Variants in AGAP3 observed in about 807,000 individuals in gnomAD.
AGAP3 encodes the protein ArfGAP with GTPase domain, ankyrin repeat and PH domain 3.
AGAP3 carries 24 observed loss-of-function variants against 96.9 expected under a neutral mutation model. That is an observed-to-expected ratio of 0.25 (90% CI 0.18 to 0.35). AGAP3 has a LOEUF of 0.35. Ranked by LOEUF, AGAP3 falls within the 10% of genes least tolerant of loss-of-function variation. The pLI, the probability that AGAP3 is intolerant of heterozygous loss-of-function variation, is 1.00. For synonymous variants in AGAP3, 563 were observed against 536.1 expected, an observed-to-expected ratio of 1.05 and a Z score of -0.69; for missense variants, 876 against 1,254.2, an observed-to-expected ratio of 0.70 and a Z score of 4.55.
chr7:151,128,609 C>T lies in AGAP3; in HGVS notation c.1251C>T (p.Ser417=), dbSNP rs758107161. ...QGILLKRSGK[S]LNKEWKKKYV... The stretch of plus-strand genomic sequence containing the variant: ...TCCTGCTAAAGCGGAGCGGCAAGTC[C>T]CTGAACAAGGAGTGGAAGAAGAAGT... The change falls in exon 10 of 18, where the codon TCC becomes TCT. Residue 417 remains serine (S), a synonymous_variant. Coordinates refer to ENST00000397238, the MANE Select transcript of AGAP3 (RefSeq NM_031946.7). The T allele has an allele frequency of 1.2e-5, 19 of 1,613,818 alleles. No homozygotes were observed. Among genetic ancestry groups the T allele is most frequent in the Middle Eastern group, 1.7e-4 (1 of 6,058 alleles).
At position 151,121,459 on chromosome 7, in the gene AGAP3, C is replaced by T. The variant is rs114242086; in HGVS notation, c.1128+1314C>T. On this transcript the variant is annotated intron_variant, in intron 8 of 17. Coordinates refer to ENST00000397238, the MANE Select transcript of AGAP3 (RefSeq NM_031946.7). ...GGGCACCCTGCTCCCTGGCATCGTG[C>T]CTCAGTCATCCGCTGCCTCAGTTCC... Among the ~76,000 whole-genome samples the T allele has an allele frequency of 4.4e-3, 670 of 152,244 alleles. 9 individuals are homozygous for T. The highest frequency in any genetic ancestry group is 0.015 in the African/African-American group (629 of 41,532).
At chr7:151,085,986 A>T, upstream of AGAP3, 1 of 152,402 alleles carries the variant, frequency 6.6e-6, no homozygotes, top group East Asian at 1.9e-4. Flanking sequence ...AGGGGAGCCT[A>T]TGCCGCACTG....
intron 1 of AGAP3, chr7:151,115,514 C>A: frequency 2.9e-6 from 3 of 1,034,580 alleles, no homozygotes; most frequent in Non-Finnish European, 2.3e-6. Context: ...AGCCCGGCCG[C>A]CCCCGCACCG....
At position 151,120,069 on chromosome 7, in the gene AGAP3, GCAT is replaced by G. The variant is rs1563482290; in HGVS notation, c.1054_1056del (p.Ile352del). On this transcript the variant is annotated inframe_deletion, in exon 8 of 18. Coordinates refer to ENST00000397238, the MANE Select transcript of AGAP3 (RefSeq NM_031946.7). ...CCCAGCATCAGCCAGCGGGAGCTGC[GCAT>G]CGAGACCATCGCTGCCTCCTCCACC... The G allele has an allele frequency of 6.2e-7, 1 of 1,613,868 alleles. No homozygotes were observed. The highest frequency in any genetic ancestry group is 8.5e-7 in the Non-Finnish European group (1 of 1,179,882).
intron 9 of AGAP3, among the ~76,000 whole-genome samples, chr7:151,127,789 CCTT>C (rs1452588829): frequency 2.6e-5 from 4 of 152,186 alleles, no homozygotes; most frequent in Non-Finnish European, 4.4e-5. Context: ...AGCATCGTCT[CCTT>C]CTATCTTCCT....
chr7:151,135,468 GA>G, intron 11 of AGAP3, among the ~76,000 whole-genome samples: 1 of 152,342 alleles, frequency 6.6e-6, no homozygotes, highest in Admixed American at 6.5e-5. Flanking sequence ...GGTGGTTGGG[GA>G]TACGACATCC....
At chr7:151,107,686 T>C (rs1204676426) in intron 1 of AGAP3, among the ~76,000 whole-genome samples, 1 of 152,284 alleles carries the variant, frequency 6.6e-6, no homozygotes, top group East Asian at 1.9e-4. Context: ...ATGGTGCTGC[T>C]GACAGGGAAT....
chr7:151,113,315 G>C (rs752726074), intron 1 of AGAP3, among the ~76,000 whole-genome samples: 1 of 152,202 alleles, frequency 6.6e-6, no homozygotes, highest in African/African-American at 2.4e-5. Context: ...GGAAGAAGCC[G>C]TCTTCACCAA....
At chr7:151,090,954 AAAAAC>A (rs1002331496) in intron 1 of AGAP3, among the ~76,000 whole-genome samples, 5 of 152,048 alleles carry the variant, frequency 3.3e-5, no homozygotes, top group Non-Finnish European at 7.4e-5. Context: ...AAAAAAAAAC[AAAAAC>A]AAAACAAAAC....
intron 8 of AGAP3, among the ~76,000 whole-genome samples, chr7:151,122,454 G>A (rs868425201): frequency 4.6e-5 from 7 of 152,258 alleles, no homozygotes; most frequent in African/African-American, 1.2e-4. Context: ...ATACCATTCC[G>A]TGCTGAGGTG....
At chr7:151,123,189 C>T (rs963678828) in intron 8 of AGAP3, 4 of 1,070,768 alleles carry the variant, frequency 3.7e-6, no homozygotes, top group South Asian at 3.0e-5. Context: ...GCTCCTGCTC[C>T]GGAAGCCGCC....
In AGAP3 at chr7:151,108,047, G is replaced by A. The variant is rs189393790; in HGVS notation, c.332-8746G>A. Reference sequence around the variant, plus strand: ...CACATGCTGGTCGCGTTCCTCTCCAGGGAGGAGCTGCTAGAAAGCAGAGCT... The same window carrying A: ...CACATGCTGGTCGCGTTCCTCTCCAAGGAGGAGCTGCTAGAAAGCAGAGCT... On this transcript the variant is annotated intron_variant, in intron 1 of 17. Transcript: ENST00000397238. The surrounding 1 kb of genome is among the most constrained non-coding windows in gnomAD (Gnocchi z 4.2). 8.5e-5 allele frequency among the ~76,000 whole-genome samples: 13 copies of A among 152,324 alleles called. No individual in the cohort carries two copies. The highest frequency in any genetic ancestry group is 1.9e-4 in the Non-Finnish European group (13 of 68,028).
In AGAP3 at chr7:151,142,209, G is replaced by A. The variant is rs556615293; in HGVS notation, c.2006G>A (p.Arg669His). 5.0e-5 allele frequency: 80 copies of A among 1,613,586 alleles called. 3 individuals are homozygous for A. The South Asian group carries it at 6.0e-4, about 12-fold the overall frequency. ...GCAGCTCTGGCTGTGCAGGCCGTCC[G>A]CACCGTCCGCGGCAACAGCTTTTGT... ...QNAALAVQAV[R>H]TVRGNSFCID... The change falls in exon 15 of 18, where the codon CGC becomes CAC. Residue 669 changes from arginine to histidine, a missense_variant. Arg to His is a conservative substitution (Grantham distance 29). This residue lies in a region of AGAP3 where 103 missense variants were observed against 183.0 expected (regional missense o/e 0.56). Coordinates refer to ENST00000397238, the MANE Select transcript of AGAP3 (RefSeq NM_031946.7). This position sits in a 1 kb window ranked among gnomAD's most constrained non-coding sequence, Gnocchi z 7.5.
At chr7:151,098,501 A>G (rs907984024) in intron 1 of AGAP3, among the ~76,000 whole-genome samples, 2 of 152,060 alleles carry the variant, frequency 1.3e-5, no homozygotes, top group Non-Finnish European at 2.9e-5. Flanking sequence ...AAAAATTAAA[A>G]AATTAGCCAG....
rs200886154 is a variant in AGAP3 at position 151,116,897 on chromosome 7, G to A, written c.390+46G>A. On this transcript the variant is annotated intron_variant, in intron 2 of 17. Coordinates refer to ENST00000397238, the MANE Select transcript of AGAP3 (RefSeq NM_031946.7). The stretch of plus-strand genomic sequence containing the variant: ...GCACCGGCGGCCTGGAGCTGGGGGG[G>A]CGAGGCTGGGTGCCGCGGGCCTGGG... 1,433 of 1,611,122 alleles carry A rather than the reference G, an allele frequency of 8.9e-4. 16 individuals are homozygous for A. In the African/African-American group the frequency reaches 0.017, roughly 19 times the overall value.
intron 9 of AGAP3, among the ~76,000 whole-genome samples, chr7:151,126,961 T>A (rs1800205280): frequency 6.6e-6 from 1 of 152,200 alleles, no homozygotes. Context: ...CATTTGGCCC[T>A]GGTGTGGCCG....
rs148644001 is a variant in AGAP3, at chr7:151,141,607, A to T, written c.1805-291A>T. 3.7e-3 allele frequency: 1,621 copies of T among 433,696 alleles called. 19 individuals carry two copies. The highest frequency in any genetic ancestry group is 0.029 in the African/African-American group (1,440 of 50,294). 26.9% of individuals were successfully genotyped at this position (433,696 alleles called of 1,614,324 possible). ...GTGGGATGCACCCCTCTCTGGTTTC[A>T]CACCCATTCCCGGCAGTGCCAGGGG... On this transcript the variant is annotated intron_variant, in intron 13 of 17. Coordinates refer to ENST00000397238, the MANE Select transcript of AGAP3 (RefSeq NM_031946.7). This position sits in a 1 kb window ranked among gnomAD's most constrained non-coding sequence, Gnocchi z 4.2.
intron 1 of AGAP3, among the ~76,000 whole-genome samples, chr7:151,099,376 T>C (rs1289215788): frequency 6.6e-6 from 1 of 151,696 alleles, no homozygotes; most frequent in Non-Finnish European, 1.5e-5. Flanking sequence ...TAATGTGCCC[T>C]TCTCAGTCAC....
chr7:151,098,529 T>A (rs28645628), intron 1 of AGAP3, among the ~76,000 whole-genome samples: 3 of 151,782 alleles, frequency 2.0e-5, no homozygotes, highest in African/African-American at 2.4e-5. Context: ...GGCGTGCGCC[T>A]ATAGTCCCAG....
Sources: gnomAD v4.1 joint callset for allele counts (sites outside exome capture counted in the v4.1 genomes callset) on GRCh38, gnomAD v4.1.1 for gene constraint, gnomAD v4.1.1 regional missense constraint, Gnocchi (gnomAD v3.1) non-coding constraint, MANE v1.5 for transcripts, NCBI Gene and HGNC (gene_info 2026-07-23, HGNC 2026-07-21) for gene names.